BRF1: variants seen among roughly 807,000 people sequenced by gnomAD.
The protein encoded by BRF1 is transcription factor IIIB 90 kDa subunit.
Under a neutral mutation model 81.7 loss-of-function variants are expected in BRF1, and 59 were observed. The ratio of observed to expected loss-of-function variants is 0.72; its 90% confidence interval spans 0.59 to 0.90. The LOEUF (loss-of-function observed/expected upper bound fraction) is 0.90, where lower values mean the gene tolerates loss of function less well. Among genes scored for constraint, BRF1 ranks in the 40% least tolerant of loss-of-function variants. The pLI, the probability that BRF1 is intolerant of heterozygous loss-of-function variation, is 0.00. For missense variants in BRF1, 1,050 were observed against 936.3 expected, an observed-to-expected ratio of 1.12 and a Z score of -1.58; for synonymous variants, 491 against 395.6, an observed-to-expected ratio of 1.24 and a Z score of -2.86.
intron 1 of BRF1, among the ~76,000 whole-genome samples, chr14:105,288,579 A>T (rs2057401305): frequency 1.3e-5 from 2 of 151,604 alleles, no homozygotes; most frequent in African/African-American, 4.8e-5. Flanking sequence ...CGCCCAACCC[A>T]GGAGTTCAAT....
rs1316180770 is a variant in BRF1 at position 105,284,775 on chromosome 14, A to G, written c.265+1521T>C. Reference sequence around the variant, plus strand: ...GAGGATGTCTGTTCACACCACTGCTATTCAATGTGGTAAACAAAAAAAACA... The same window carrying G: ...GAGGATGTCTGTTCACACCACTGCTGTTCAATGTGGTAAACAAAAAAAACA... On this transcript the variant is annotated intron_variant, in intron 2 of 17. Coordinates refer to ENST00000547530, the MANE Select transcript of BRF1 (RefSeq NM_001519.4). This position sits in a 1 kb window ranked among gnomAD's most constrained non-coding sequence, Gnocchi z 4.0. Among the ~76,000 whole-genome samples, 2 of 152,198 alleles carry G rather than the reference A, an allele frequency of 1.3e-5. No individual in the cohort carries two copies. The highest frequency in any genetic ancestry group is 2.9e-5 in the Non-Finnish European group (2 of 68,044).
chr14:105,311,034 C>T (rs1422616886), intron 1 of BRF1, among the ~76,000 whole-genome samples: 1 of 152,136 alleles, frequency 6.6e-6, no homozygotes, highest in East Asian at 1.9e-4. Context: ...CTCAATGGAA[C>T]CTCTGCCTGC....
intron 2 of BRF1, among the ~76,000 whole-genome samples, chr14:105,273,954 C>G (rs925950611): frequency 1.5e-4 from 23 of 152,300 alleles, no homozygotes; most frequent in Middle Eastern, 3.4e-3. Context: ...AGTTGAGATA[C>G]AGGAAGGCCT....
chr14:105,294,034 C>T (rs911156026), intron 1 of BRF1, among the ~76,000 whole-genome samples: 5 of 152,182 alleles, frequency 3.3e-5, no homozygotes, highest in Non-Finnish European at 7.4e-5. Flanking sequence ...AACTGAGAAG[C>T]CACCAAGGTT....
At chr14:105,243,869 G>A (rs1005103294) in intron 5 of BRF1, among the ~76,000 whole-genome samples, 21 of 151,954 alleles carry the variant, frequency 1.4e-4, no homozygotes, top group Admixed American at 2.0e-4. Flanking sequence ...GGTGGTGTGC[G>A]CCTGTAGTCA....
chr14:105,287,946 G>A (rs1212184353), intron 1 of BRF1, among the ~76,000 whole-genome samples: 2 of 152,238 alleles, frequency 1.3e-5, no homozygotes, highest in Admixed American at 6.5e-5. Context: ...GCCTCCTTCA[G>A]GCTGAGGCCC....
At chr14:105,299,368 T>G (rs918701801) in intron 1 of BRF1, among the ~76,000 whole-genome samples, 2 of 151,852 alleles carry the variant, frequency 1.3e-5, no homozygotes, top group Middle Eastern at 6.8e-3. Context: ...CCCAGGAGTT[T>G]GAGACCAGCC....
chr14:105,223,378 T>G (rs1892590994), intron 10 of BRF1, among the ~76,000 whole-genome samples: 1 of 152,196 alleles, frequency 6.6e-6, no homozygotes, highest in Non-Finnish European at 1.5e-5. Context: ...ACCCTCAGCG[T>G]GCTGAAGGAC....
At chr14:105,262,533 T>A (rs1047709726) in intron 3 of BRF1, among the ~76,000 whole-genome samples, 14 of 152,318 alleles carry the variant, frequency 9.2e-5, no homozygotes, top group African/African-American at 2.6e-4. Flanking sequence ...ACACCCTGAA[T>A]AATCTAGCAC....
At position 105,271,156 on chromosome 14, in the gene BRF1, C is replaced by T. The variant is rs1365975720; in HGVS notation, c.439+1565G>A. 6.6e-6 allele frequency among the ~76,000 whole-genome samples: 1 copy of T among 152,154 alleles called. No individual in the cohort carries two copies. Among genetic ancestry groups the T allele is most frequent in the Non-Finnish European group, 1.5e-5 (1 of 68,036 alleles). ...CTGTCCCAAAGCAAAAAGATAGCCA[C>T]GTGCAAAAAAGGATGAGATAACACA... On this transcript the variant is annotated intron_variant, in intron 3 of 17. Coordinates refer to ENST00000547530, the MANE Select transcript of BRF1 (RefSeq NM_001519.4). The surrounding 1 kb of genome is among the most constrained non-coding windows in gnomAD (Gnocchi z 5.5).
intron 7 of BRF1, 100 bp downstream of exon 7, chr14:105,228,720 G>C (rs587688808): frequency 4.4e-6 from 6 of 1,354,838 alleles, no homozygotes; most frequent in Non-Finnish European, 6.2e-6. Context: ...GGCGGGGGAC[G>C]GCAGGGTCCC....
In BRF1 at chr14:105,309,776, C is replaced by CTTTTTT. The variant is rs928875653; in HGVS notation, c.-162+5540_-162+5545dup. ...TTAAGGAGAAGGTGGTGATGTGTGTCTTTTTTTTTTTTTTTTTTTTTTTTT... is the reference window on the plus strand; with the variant it reads ...TTAAGGAGAAGGTGGTGATGTGTGTCTTTTTTTTTTTTTTTTTTTTTTTTTTTTTTT... On this transcript the variant is annotated intron_variant, in intron 1 of 17. Transcript: ENST00000327359. The surrounding 1 kb of genome is among the most constrained non-coding windows in gnomAD (Gnocchi z 4.0). Among the ~76,000 whole-genome samples the CTTTTTT allele has an allele frequency of 1.1e-5, 1 of 89,212 alleles. No individual in the cohort carries two copies. The highest frequency in any genetic ancestry group is 3.6e-4 in the East Asian group (1 of 2,782). The allele number at this position is 89,212 out of a possible 152,430, so 58.5% of individuals were successfully genotyped here. A position where few individuals can be genotyped will look rare whatever the true frequency, so the allele number is the denominator to read the frequency against.
At position 105,228,943 on chromosome 14, in the gene BRF1, C is replaced by A. The variant is rs369512081; in HGVS notation, c.695-30G>T. 8.7e-6 allele frequency: 14 copies of A among 1,607,498 alleles called. No individual in the cohort carries two copies. In the African/African-American group the frequency reaches 1.3e-4, roughly 15 times the overall value. ...AAGGCAACGAGACGGGCCTCGTCAA[C>A]CACGGCTGGGAACCAGGGCAACATC... On this transcript the variant is annotated intron_variant, in intron 6 of 17. Transcript: ENST00000547530.
At chr14:105,280,409 G>A (rs1263099935) in intron 2 of BRF1, among the ~76,000 whole-genome samples, 1 of 152,234 alleles carries the variant, frequency 6.6e-6, no homozygotes, top group Non-Finnish European at 1.5e-5. Context: ...GGGATCTTTA[G>A]GACTCTGAAA....
At chr14:105,275,192 G>A (rs1403561779) in intron 2 of BRF1, among the ~76,000 whole-genome samples, 1 of 152,224 alleles carries the variant, frequency 6.6e-6, no homozygotes, top group Admixed American at 6.5e-5. Context: ...GGAAGCCGGT[G>A]GCCAGGGTAC....
At chr14:105,228,677 A>T (rs754097821) in intron 7 of BRF1, 143 bp downstream of exon 7, 1 of 868,406 alleles carries the variant, frequency 1.2e-6, no homozygotes, top group South Asian at 1.6e-5. Context: ...CCATAGTGTG[A>T]CCGGGGCTGG....
At chr14:105,251,037 T>G in intron 5 of BRF1, 1 of 245,744 alleles carries the variant, frequency 4.1e-6, no homozygotes, top group Admixed American at 5.0e-5. Context: ...AATCTAAAAT[T>G]GGCAAAAAGT....
intron 2 of BRF1, among the ~76,000 whole-genome samples, chr14:105,281,599 C>T (rs763739258): frequency 9.2e-5 from 14 of 152,056 alleles, no homozygotes; most frequent in African/African-American, 1.9e-4. Flanking sequence ...CGATGTGGGG[C>T]GGCTGACTGC....
At chr14:105,278,690 G>A (rs587594355) in intron 2 of BRF1, among the ~76,000 whole-genome samples, 181 of 152,090 alleles carry the variant, frequency 1.2e-3, no homozygotes, top group Middle Eastern at 3.4e-3. Context: ...AGGATCACTG[G>A]AGCCCAGGAG....
Sources: gnomAD v4.1 joint callset for allele counts (sites outside exome capture counted in the v4.1 genomes callset) on GRCh38, gnomAD v4.1.1 for gene constraint, Gnocchi (gnomAD v3.1) non-coding constraint, MANE v1.5 for transcripts, NCBI Gene and HGNC (gene_info 2026-07-23, HGNC 2026-07-21) for gene names.